The following ANTXR1 variants were observed in gnomAD, a reference collection of about 807,000 sequenced individuals.
ANTXR1 encodes the protein anthrax toxin receptor 1.
Under a neutral mutation model 78.1 loss-of-function variants are expected in ANTXR1, and 19 were observed. That is an observed-to-expected ratio of 0.24 (90% CI 0.17 to 0.36). The LOEUF is 0.36. Ranked by LOEUF, ANTXR1 falls within the 10% of genes least tolerant of loss-of-function variation. ANTXR1 has a pLI of 1.00. For synonymous variants in ANTXR1, 273 were observed against 260.5 expected (o/e 1.05, Z -0.46); for missense variants, 518 against 718.6 (o/e 0.72, Z 3.19).
At chr2:69,062,585 AT>A (rs557060861) in intron 3 of ANTXR1, among the ~76,000 whole-genome samples, 1 of 152,336 alleles carries the variant, frequency 6.6e-6, no homozygotes, top group South Asian at 2.1e-4. Flanking sequence ...CTCACAAAGA[AT>A]AAAAGCCTTA....
intron 4 of ANTXR1, among the ~76,000 whole-genome samples, 182 bp from the exon 5 acceptor site, chr2:69,071,572 T>G (rs937642148): frequency 6.6e-6 from 1 of 152,304 alleles, no homozygotes; most frequent in African/African-American, 2.4e-5. Flanking sequence ...GTATACTACT[T>G]AAATGAGAGG....
chr2:69,196,912 C>A (rs1674678411), intron 17 of ANTXR1, among the ~76,000 whole-genome samples: 1 of 152,192 alleles, frequency 6.6e-6, no homozygotes, highest in Non-Finnish European at 1.5e-5. Context: ...GACACAAGCC[C>A]ACCAACAGAG....
intron 16 of ANTXR1, among the ~76,000 whole-genome samples, chr2:69,191,444 C>A (rs997857053): frequency 4.1e-4 from 62 of 152,298 alleles, no homozygotes; most frequent in Non-Finnish European, 8.8e-4. Flanking sequence ...ACTCCTCCAG[C>A]CTTCCCAGCA....
intron 12 of ANTXR1, among the ~76,000 whole-genome samples, chr2:69,132,254 T>G (rs1424459046): frequency 1.3e-5 from 2 of 152,132 alleles, no homozygotes; most frequent in Non-Finnish European, 2.9e-5. Context: ...GAGTACTGGC[T>G]CAGAAGAGGA....
chr2:69,111,604 C>T (rs979777765), intron 10 of ANTXR1, among the ~76,000 whole-genome samples: 2 of 152,136 alleles, frequency 1.3e-5, no homozygotes, highest in Non-Finnish European at 2.9e-5. Flanking sequence ...GATTTTCAAT[C>T]CTATTCACCA....
At chr2:69,116,022 A>G (rs1248696173) in intron 10 of ANTXR1, among the ~76,000 whole-genome samples, 1 of 152,134 alleles carries the variant, frequency 6.6e-6, no homozygotes. Flanking sequence ...TTCGGCTTTG[A>G]ATCTTCTCAT....
chr2:69,156,337 T>TC, intron 13 of ANTXR1, among the ~76,000 whole-genome samples: 1 of 152,020 alleles, frequency 6.6e-6, no homozygotes, highest in Non-Finnish European at 1.5e-5. Context: ...AGCATCCCTC[T>TC]CCCTCCCTTT....
chr2:69,194,759 A>G (rs571850454), intron 17 of ANTXR1, among the ~76,000 whole-genome samples: 1 of 152,246 alleles, frequency 6.6e-6, no homozygotes, highest in Non-Finnish European at 1.5e-5. Context: ...AGACTGAAGC[A>G]GGAGAATTGC....
chr2:69,232,637 G>A (rs2104522860), intron 17 of ANTXR1, among the ~76,000 whole-genome samples: 1 of 152,162 alleles, frequency 6.6e-6, no homozygotes, highest in South Asian at 2.1e-4. Flanking sequence ...AAACTTGTGG[G>A]ATTTGGAAAC....
chr2:69,014,087 G>GTT (rs927506126), intron 1 of ANTXR1, among the ~76,000 whole-genome samples: 10 of 152,076 alleles, frequency 6.6e-5, no homozygotes, highest in African/African-American at 2.2e-4. Flanking sequence ...TTTTGTTTTT[G>GTT]TTTTTTTGTT....
chr2:69,233,242 A>G (rs1197364219), intron 17 of ANTXR1, among the ~76,000 whole-genome samples: 2 of 152,098 alleles, frequency 1.3e-5, no homozygotes, highest in East Asian at 1.9e-4. Flanking sequence ...CAGAACATAT[A>G]AAAAGATGAA....
chr2:69,177,760 A>G (rs749929581), intron 14 of ANTXR1, among the ~76,000 whole-genome samples: 2 of 152,196 alleles, frequency 1.3e-5, no homozygotes, highest in African/African-American at 2.4e-5. Flanking sequence ...GTTTAAAAGT[A>G]TAGTGCAGCC....
intron 17 of ANTXR1, among the ~76,000 whole-genome samples, chr2:69,231,433 A>G (rs1675594449): frequency 6.6e-6 from 1 of 151,208 alleles, no homozygotes; most frequent in East Asian, 1.9e-4. Context: ...CAGAGTCCAG[A>G]AAAAAAAAGG....
intron 13 of ANTXR1, among the ~76,000 whole-genome samples, chr2:69,168,502 A>C (rs1673892677): frequency 6.6e-6 from 1 of 152,152 alleles, no homozygotes; most frequent in Non-Finnish European, 1.5e-5. Flanking sequence ...GCTCAGCACC[A>C]AACCTCTTCA....
Position 69,040,057 on chromosome 2 carries a change from C to G in ANTXR1, c.166C>G (p.Leu56Val). The G allele has an allele frequency of 6.2e-7, 1 of 1,613,238 alleles. No homozygotes were observed. The highest frequency in any genetic ancestry group is 1.1e-5 in the South Asian group (1 of 91,062). ...YFILDKSGSV[L>V]HHWNEIYYFV... is the part of the protein sequence containing the mutation. ...TTGTTTTCCTAGATCAGGAAGTGTG[C>G]TGCACCACTGGAATGAAATCTATTA... Residue 56 changes from leucine (L) to valine (V), a missense_variant, in exon 2 of 18, where the codon CTG (leucine) becomes GTG (valine). By Grantham distance (32) the Leu-to-Val change is conservative (BLOSUM62 1). Transcript: ENST00000303714.
intron 3 of ANTXR1, among the ~76,000 whole-genome samples, chr2:69,049,962 A>G (rs1481032277): frequency 1.3e-5 from 2 of 152,036 alleles, no homozygotes; most frequent in Non-Finnish European, 2.9e-5. Flanking sequence ...TCTTTCTTCT[A>G]TTTCCTTTGA....
chr2:69,212,961 CTTTTTT>C (rs747933496), intron 17 of ANTXR1, among the ~76,000 whole-genome samples: 1 of 98,090 alleles, frequency 1.0e-5, no homozygotes, highest in Non-Finnish European at 2.0e-5. Flanking sequence ...TGCACATCAC[CTTTTTT>C]TTTTTTTTTT....
chr2:69,086,043 A>T (rs764992706), intron 8 of ANTXR1, among the ~76,000 whole-genome samples: 1 of 152,366 alleles, frequency 6.6e-6, no homozygotes, highest in Non-Finnish European at 1.5e-5. Context: ...TTTCTGAAAT[A>T]TGTGTGAAAG....
chr2:69,215,924 A>C (rs1346331249), intron 17 of ANTXR1, among the ~76,000 whole-genome samples: 1 of 152,198 alleles, frequency 6.6e-6, no homozygotes, highest in Non-Finnish European at 1.5e-5. Flanking sequence ...CCACTGAGAA[A>C]ATGGAAGCCA....
Sources: gnomAD v4.1 joint callset for allele counts (sites outside exome capture counted in the v4.1 genomes callset) on GRCh38, gnomAD v4.1.1 for gene constraint, MANE v1.5 for transcripts, NCBI Gene and HGNC (gene_info 2026-07-23, HGNC 2026-07-21) for gene names.